The following ZNF654 variants were observed in gnomAD, a reference collection of about 807,000 sequenced individuals.
The protein encoded by ZNF654 is zinc finger protein 654.
A neutral mutation model predicts 95.3 loss-of-function variants in ZNF654; 19 were observed. The ratio of observed to expected loss-of-function variants is 0.20; its 90% CI spans 0.14 to 0.29. The LOEUF is 0.29. Among genes scored for constraint, ZNF654 ranks in the 10% least tolerant of loss-of-function variants. The pLI, the probability that ZNF654 is intolerant of heterozygous loss-of-function variation, is 1.00. For missense variants in ZNF654, 1,046 were observed against 1,341.0 expected, an observed-to-expected ratio of 0.78 and a Z score of 3.44; for synonymous variants, 413 against 457.9, an observed-to-expected ratio of 0.90 and a Z score of 1.25.
intron 2 of ZNF654, among the ~76,000 whole-genome samples, chr3:88,089,572 G>A (rs1329810821): frequency 6.6e-6 from 1 of 152,030 alleles, no homozygotes; most frequent in African/African-American, 2.4e-5. Context: ...TCTGAATCTA[G>A]AGAATAAAAT....
chr3:88,121,072 G>A (rs1210889172), intron 3 of ZNF654, among the ~76,000 whole-genome samples: 3 of 151,878 alleles, frequency 2.0e-5, no homozygotes, highest in Non-Finnish European at 4.4e-5. Flanking sequence ...TGTATATTCA[G>A]CACATGTATC....
intron 3 of ZNF654, among the ~76,000 whole-genome samples, chr3:88,124,772 G>A (rs1705986205): frequency 6.8e-6 from 1 of 147,072 alleles, no homozygotes; most frequent in African/African-American, 2.5e-5. Context: ...ACAATACTCA[G>A]TTTTTTTTTT....
chr3:88,129,137 A>G (rs1431205427), intron 5 of ZNF654, 126 bp downstream of exon 5: 3 of 661,382 alleles, frequency 4.5e-6, no homozygotes, highest in Non-Finnish European at 7.4e-6. Context: ...TAAGGATTAC[A>G]TTATCTGGAT....
chr3:88,091,063 A>G (rs1269354647), intron 2 of ZNF654, among the ~76,000 whole-genome samples: 1 of 152,206 alleles, frequency 6.6e-6, no homozygotes, highest in Non-Finnish European at 1.5e-5. Context: ...GTACAGTAGC[A>G]TGCTATACAG....
chr3:88,077,194 G>A (rs1037074047), intron 1 of ZNF654, among the ~76,000 whole-genome samples: 3 of 152,142 alleles, frequency 2.0e-5, no homozygotes, highest in Admixed American at 6.5e-5. Context: ...AGGGGAGGAG[G>A]ATTGTGAATG....
chr3:88,098,747 T>C (rs1382464121), intron 2 of ZNF654, among the ~76,000 whole-genome samples: 1 of 152,130 alleles, frequency 6.6e-6, no homozygotes, highest in Non-Finnish European at 1.5e-5. Flanking sequence ...ATTATCTCAA[T>C]AGATGCAGAA....
At chr3:88,132,030 A>G (rs190288636) in intron 6 of ZNF654, among the ~76,000 whole-genome samples, 2 of 152,174 alleles carry the variant, frequency 1.3e-5, no homozygotes, top group Non-Finnish European at 1.5e-5. Context: ...ATAGCTGCAA[A>G]TGTTTGCTGA....
chr3:88,134,684 G>A (rs543951324), intron 6 of ZNF654, among the ~76,000 whole-genome samples: 2 of 152,124 alleles, frequency 1.3e-5, no homozygotes, highest in South Asian at 4.1e-4. Context: ...TTTATAGAGA[G>A]TCTACAACAT....
chr3:88,072,507 A>G (rs1480166330), intron 1 of ZNF654, among the ~76,000 whole-genome samples: 1 of 152,112 alleles, frequency 6.6e-6, no homozygotes, highest in Non-Finnish European at 1.5e-5. Flanking sequence ...CTCCTTGTAC[A>G]TATCTGCTTC....
chr3:88,108,788 G>A (rs1397523487), intron 2 of ZNF654, among the ~76,000 whole-genome samples: 1 of 151,876 alleles, frequency 6.6e-6, no homozygotes, highest in Non-Finnish European at 1.5e-5. Flanking sequence ...AAGAAAAGCT[G>A]TAAAGTGCTT....
At chr3:88,104,036 C>T (rs1376595986) in intron 2 of ZNF654, among the ~76,000 whole-genome samples, 3 of 151,824 alleles carry the variant, frequency 2.0e-5, no homozygotes, top group Non-Finnish European at 2.9e-5. Context: ...GATTACAGGC[C>T]ATGAGCCACC....
At position 88,113,176 on chromosome 3, in the gene ZNF654, G is replaced by A. The variant is rs1307524156; in HGVS notation, c.394G>A (p.Asp132Asn). The change falls in exon 3 of 9, where the codon GAT becomes AAT. Residue 132 changes from aspartate to asparagine, a missense_variant. Asp to Asn is a conservative substitution (Grantham distance 23). Around this residue, in one of 9 missense-constraint regions of ZNF654, gnomAD observed 91 missense variants for 190.5 expected, o/e 0.48. Transcript: ENST00000636215. ...TGAGTTTTATGAAGAGCCCTTAAAG[G>A]ATATTCTTGGATCATTCCAGGTAAA... The part of the protein sequence containing the change: ...RDEFYEEPLK[D>N]ILGSFQECQN... 30 of 1,533,096 alleles carry A rather than the reference G, an allele frequency of 2.0e-5. No homozygotes were observed. The East Asian group carries it at 7.1e-4, about 36-fold the overall frequency. The allele number at this position is 1,533,096 out of a possible 1,614,324, so 95.0% of individuals were successfully genotyped here.
chr3:88,109,278 G>A (rs977100967), intron 2 of ZNF654, among the ~76,000 whole-genome samples: 3 of 151,810 alleles, frequency 2.0e-5, no homozygotes, highest in African/African-American at 4.8e-5. Flanking sequence ...GTATGTCAAC[G>A]TTACCCACAA....
intron 2 of ZNF654, among the ~76,000 whole-genome samples, chr3:88,094,511 T>C (rs902480746): frequency 2.0e-5 from 3 of 152,170 alleles, no homozygotes; most frequent in African/African-American, 7.2e-5. Context: ...TCTAGAGGGC[T>C]GTAGATGTGT....
chr3:88,061,896 A>G (rs1706906900), intron 1 of ZNF654, among the ~76,000 whole-genome samples: 2 of 152,182 alleles, frequency 1.3e-5, no homozygotes, highest in South Asian at 4.1e-4. Context: ...AATTATACAG[A>G]CAGGCTAGTG....
Position 88,139,534 on chromosome 3 carries a change from C to T in ZNF654, c.1865C>T (p.Ser622Phe). The T allele has an allele frequency of 6.2e-7, 1 of 1,613,332 alleles. No individual in the cohort carries two copies. The highest frequency in any genetic ancestry group is 1.3e-5 in the African/African-American group (1 of 75,004). ...EVTALEEINC[S>F]SSSISFENGN... ...ACTGCTTTGGAAGAAATAAATTGTTCTAGTTCTTCCATTTCATTTGAAAAT... is the reference window on the plus strand; with the variant it reads ...ACTGCTTTGGAAGAAATAAATTGTTTTAGTTCTTCCATTTCATTTGAAAAT... The change falls in exon 8 of 9, where the codon TCT becomes TTT. Residue 622 changes from serine (S) to phenylalanine (F), a missense_variant. Physicochemically the swap from Ser to Phe is radical, Grantham distance 155. Transcript: ENST00000636215.
chr3:88,065,967 C>T (rs1050573249), intron 1 of ZNF654, among the ~76,000 whole-genome samples: 3 of 152,144 alleles, frequency 2.0e-5, no homozygotes, highest in Non-Finnish European at 4.4e-5. Flanking sequence ...CTCCTGAGGT[C>T]AAGCGAGTCA....
At chr3:88,127,142 G>C (rs1706157622) in intron 4 of ZNF654, among the ~76,000 whole-genome samples, 1 of 152,156 alleles carries the variant, frequency 6.6e-6, no homozygotes, top group South Asian at 2.1e-4. Flanking sequence ...AGCCAATGGA[G>C]TTTAGTTATG....
rs190720848 is a variant in ZNF654, at chr3:88,099,865, A to C, written c.333-13250A>C. Reference sequence around the variant, plus strand: ...CTTAAATGTTAGACCTAAAACCATAAAAACCCTAGAAGAAAACGTAGGCAA... The same window carrying C: ...CTTAAATGTTAGACCTAAAACCATACAAACCCTAGAAGAAAACGTAGGCAA... On this transcript the variant is annotated intron_variant, in intron 2 of 8. Coordinates refer to ENST00000636215, the MANE Select transcript of ZNF654 (RefSeq NM_001350134.2). Among the ~76,000 whole-genome samples, 142 of 152,354 alleles carry C rather than the reference A, an allele frequency of 9.3e-4. No homozygotes were observed. The Middle Eastern group carries it at 0.014, about 15-fold the overall frequency.
Sources: allele counts gnomAD v4.1 joint callset (sites outside exome capture counted in the v4.1 genomes callset), GRCh38; gene constraint gnomAD v4.1.1; regional missense constraint gnomAD v4.1.1; transcripts MANE v1.5; gene names NCBI Gene and HGNC (gene_info 2026-07-23, HGNC 2026-07-21).